The following UNC13C variants were observed in gnomAD, a reference collection of about 807,000 sequenced individuals.
UNC13C encodes the protein protein unc-13 homolog C.
In UNC13C, 174 loss-of-function variants were observed where a neutral mutation model predicts 245.4. The ratio of observed to expected loss-of-function variants is 0.71; its 90% CI spans 0.63 to 0.80. The LOEUF (loss-of-function observed/expected upper bound fraction) is 0.80. Ranked by LOEUF, UNC13C falls within the 30% of genes least tolerant of loss-of-function variation. UNC13C has a pLI of 0.00. For synonymous variants in UNC13C, 992 were observed against 895.1 expected (o/e 1.11, Z -1.93); for missense variants, 2,829 against 2,602.9 (o/e 1.09, Z -1.89).
intron 19 of UNC13C, among the ~76,000 whole-genome samples, chr15:54,470,056 A>G (rs555981103): frequency 1.3e-5 from 2 of 151,792 alleles, no homozygotes; most frequent in South Asian, 4.1e-4. Flanking sequence ...AACATGAATC[A>G]CATGTATTGA....
chr15:53,930,609 G>T, the UNC13C span, among the ~76,000 whole-genome samples: 1 of 152,148 alleles, frequency 6.6e-6, no homozygotes, highest in Non-Finnish European at 1.5e-5. Flanking sequence ...CACCCTATTG[G>T]TCTGTCTGTG....
intron 19 of UNC13C, among the ~76,000 whole-genome samples, chr15:54,466,384 C>A (rs903960893): frequency 4.0e-5 from 6 of 151,896 alleles, no homozygotes; most frequent in African/African-American, 1.4e-4. Context: ...ATTTCAATTA[C>A]CCTGATTTGA....
chr15:54,292,978 TA>T (rs1309838468), intron 10 of UNC13C, among the ~76,000 whole-genome samples: 1 of 149,794 alleles, frequency 6.7e-6, no homozygotes, highest in African/African-American at 2.4e-5. Context: ...GCATATATAA[TA>T]TGTATATTCT....
chr15:54,254,836 G>A (rs2036238849), intron 8 of UNC13C, among the ~76,000 whole-genome samples: 1 of 152,134 alleles, frequency 6.6e-6, no homozygotes, highest in Non-Finnish European at 1.5e-5. Context: ...TTTTTATTAT[G>A]GGAGAAAGCA....
intron 10 of UNC13C, among the ~76,000 whole-genome samples, chr15:54,267,037 T>G (rs940823162): frequency 6.6e-6 from 1 of 152,104 alleles, no homozygotes; most frequent in African/African-American, 2.4e-5. Context: ...CACAGTTTAT[T>G]TTACTATTCA....
intron 4 of UNC13C, among the ~76,000 whole-genome samples, chr15:54,203,338 A>G (rs1430373863): frequency 6.6e-6 from 1 of 151,670 alleles, no homozygotes; most frequent in Non-Finnish European, 1.5e-5. Flanking sequence ...GTCTATTCAG[A>G]AGAAAAGAAG....
intron 2 of UNC13C, among the ~76,000 whole-genome samples, chr15:54,112,141 T>A (rs1595869868): frequency 6.6e-6 from 1 of 152,172 alleles, no homozygotes; most frequent in East Asian, 1.9e-4. Context: ...ATCCCCAACA[T>A]TTCCTCTTCA....
chr15:53,883,831 G>A, the UNC13C span, among the ~76,000 whole-genome samples: 3 of 152,250 alleles, frequency 2.0e-5, no homozygotes, highest in East Asian at 3.9e-4. Flanking sequence ...AATAGGTTTT[G>A]TTTTGACTTT....
intron 10 of UNC13C, among the ~76,000 whole-genome samples, chr15:54,268,855 C>T (rs965094532): frequency 6.6e-6 from 1 of 151,880 alleles, no homozygotes; most frequent in Non-Finnish European, 1.5e-5. Context: ...TATGTGCATG[C>T]ACTTATCATT....
chr15:54,123,302 T>C (rs2030806878), intron 2 of UNC13C, among the ~76,000 whole-genome samples: 1 of 151,810 alleles, frequency 6.6e-6, no homozygotes, highest in South Asian at 2.1e-4. Flanking sequence ...CTTGATATAG[T>C]ATTCTAGATA....
chr15:53,925,450 T>G, the UNC13C span, among the ~76,000 whole-genome samples: 24 of 152,242 alleles, frequency 1.6e-4, no homozygotes, highest in Non-Finnish European at 3.1e-4. Flanking sequence ...GCAGTTAGCA[T>G]TGGCCACACA....
chr15:54,224,918 T>C (rs2035331818), intron 4 of UNC13C, among the ~76,000 whole-genome samples: 1 of 152,104 alleles, frequency 6.6e-6, no homozygotes, highest in Non-Finnish European at 1.5e-5. Flanking sequence ...TTCTAGGTTT[T>C]CCAATTTATT....
chr15:54,138,790 G>A (rs900714778), intron 2 of UNC13C, among the ~76,000 whole-genome samples: 1 of 151,684 alleles, frequency 6.6e-6, no homozygotes, highest in Non-Finnish European at 1.5e-5. Context: ...GAGGCTGGAC[G>A]TTCACTATCA....
intron 4 of UNC13C, among the ~76,000 whole-genome samples, chr15:54,165,076 GAAGT>G (rs1284286097): frequency 6.6e-6 from 1 of 152,124 alleles, no homozygotes; most frequent in East Asian, 1.9e-4. Context: ...TCTTGAGAGT[GAAGT>G]AAGTTTAAAA....
intron 17 of UNC13C, 142 bp from the exon 18 acceptor site, chr15:54,392,906 C>G: frequency 1.1e-6 from 1 of 925,864 alleles, no homozygotes; most frequent in Non-Finnish European, 1.5e-6. Context: ...GAAAAGAAAC[C>G]TGAGTTTAAC....
intron 14 of UNC13C, among the ~76,000 whole-genome samples, chr15:54,325,223 C>T (rs2038265893): frequency 6.6e-6 from 1 of 151,842 alleles, no homozygotes; most frequent in Admixed American, 6.6e-5. Flanking sequence ...TGCTAAAAAA[C>T]TCTATATGCA....
intron 1 of UNC13C, among the ~76,000 whole-genome samples, chr15:54,007,850 G>A (rs1037878311): frequency 3.9e-5 from 6 of 152,172 alleles, no homozygotes; most frequent in African/African-American, 1.4e-4. Context: ...AGTGAGACAA[G>A]CGTGAGTCCT....
chr15:54,493,519 C>T (rs1486881362), intron 19 of UNC13C, among the ~76,000 whole-genome samples: 2 of 151,776 alleles, frequency 1.3e-5, no homozygotes, highest in Non-Finnish European at 2.9e-5. Context: ...GATTTTAGTC[C>T]CTCTATATTC....
the UNC13C span, among the ~76,000 whole-genome samples, chr15:53,890,164 C>T: frequency 5.5e-5 from 8 of 144,484 alleles, no homozygotes; most frequent in South Asian, 2.2e-4. Flanking sequence ...CTTTTTGAGA[C>T]GGATTCTCAC....
Sources: allele counts gnomAD v4.1 joint callset (sites outside exome capture counted in the v4.1 genomes callset), GRCh38; gene constraint gnomAD v4.1.1; transcripts MANE v1.5; gene names NCBI Gene and HGNC (gene_info 2026-07-23, HGNC 2026-07-21).